Variants in VAV3 observed in about 807,000 individuals in gnomAD.
VAV3 encodes vav guanine nucleotide exchange factor 3, also known as guanine nucleotide exchange factor VAV3.
Under a neutral mutation model 131.2 loss-of-function variants are expected in VAV3, and 94 were observed. The ratio of observed to expected loss-of-function variants is 0.72; its 90% CI spans 0.61 to 0.85. The LOEUF (loss-of-function observed/expected upper bound fraction) is 0.85. Ranked by LOEUF, VAV3 falls within the 40% of genes least tolerant of loss-of-function variation. The pLI, the probability that VAV3 is intolerant of heterozygous loss-of-function variation, is 0.00. For synonymous variants in VAV3, 349 were observed against 342.0 expected, an observed-to-expected ratio of 1.02 and a Z score of -0.22; for missense variants, 939 against 1,002.7, an observed-to-expected ratio of 0.94 and a Z score of 0.86.
intron 19 of VAV3, among the ~76,000 whole-genome samples, chr1:107,669,836 C>T (rs1046158542): frequency 6.6e-6 from 1 of 152,038 alleles, no homozygotes; most frequent in Non-Finnish European, 1.5e-5. Flanking sequence ...ATAAAAAACT[C>T]CTTAGAGGAG....
At chr1:107,838,080 C>T (rs1439681886) in intron 2 of VAV3, among the ~76,000 whole-genome samples, 1 of 152,094 alleles carries the variant, frequency 6.6e-6, no homozygotes, top group Non-Finnish European at 1.5e-5. Context: ...GTAGGAGAAA[C>T]TATCAACAGA....
intron 15 of VAV3, among the ~76,000 whole-genome samples, chr1:107,732,866 C>G (rs1428957748): frequency 6.6e-6 from 1 of 152,198 alleles, no homozygotes; most frequent in Non-Finnish European, 1.5e-5. Flanking sequence ...CAGTGGTTCT[C>G]CCGGCATGGT....
chr1:107,722,253 A>G (rs1661544746), intron 15 of VAV3, among the ~76,000 whole-genome samples: 1 of 152,116 alleles, frequency 6.6e-6, no homozygotes, highest in African/African-American at 2.4e-5. Flanking sequence ...CCCACTCAAA[A>G]CTAATTACAT....
chr1:107,755,629 T>C, intron 11 of VAV3, 116 bp from the exon 12 acceptor site: 1 of 692,688 alleles, frequency 1.4e-6, no homozygotes, highest in South Asian at 2.0e-5. Flanking sequence ...CACTGTAACT[T>C]TTCAAAGACA....
At chr1:107,610,214 G>A (rs1038842331) in intron 21 of VAV3, among the ~76,000 whole-genome samples, 1 of 152,088 alleles carries the variant, frequency 6.6e-6, no homozygotes, top group Non-Finnish European at 1.5e-5. Context: ...AGAGATAGCA[G>A]GCGAATATGA....
At chr1:107,849,374 A>T (rs1356295268) in intron 2 of VAV3, among the ~76,000 whole-genome samples, 1 of 152,212 alleles carries the variant, frequency 6.6e-6, no homozygotes, top group African/African-American at 2.4e-5. Context: ...CTGATACCAA[A>T]ACAGATATAT....
At chr1:107,673,662 G>C (rs1456168981) in intron 19 of VAV3, 1 of 152,174 alleles carries the variant, frequency 6.6e-6, no homozygotes, top group African/African-American at 2.4e-5. Flanking sequence ...TTAACACCAA[G>C]TCAGTATACT....
intron 17 of VAV3, among the ~76,000 whole-genome samples, chr1:107,694,705 G>C (rs143589751): frequency 6.8e-4 from 104 of 152,184 alleles, no homozygotes; most frequent in African/African-American, 2.4e-3. Flanking sequence ...TAAGATTATA[G>C]TGATCTTCAG....
Position 107,732,625 on chromosome 1 carries a change from G to A in VAV3, c.1502+16343C>T, listed in dbSNP as rs148845225. 4.2e-3 allele frequency among the ~76,000 whole-genome samples: 642 copies of A among 152,300 alleles called. 3 individuals are homozygous for A. Among genetic ancestry groups the A allele is most frequent in the African/African-American group, 0.015 (605 of 41,564 alleles). On this transcript the variant is annotated intron_variant, in intron 15 of 26. Coordinates refer to ENST00000370056, the MANE Select transcript of VAV3 (RefSeq NM_006113.5). The stretch of plus-strand genomic sequence containing the variant: ...TCGTTCACTGCTAGCTCAGCAGTCC[G>A]AGATTGAGCTGCAAGGCGGCAGACT...
At chr1:107,605,304 T>G (rs1251349647) in intron 22 of VAV3, among the ~76,000 whole-genome samples, 1 of 152,212 alleles carries the variant, frequency 6.6e-6, no homozygotes, top group Non-Finnish European at 1.5e-5. Context: ...TCTGCCCTCA[T>G]GAGTGGATTA....
In VAV3 at chr1:107,749,537, A is replaced by G. The variant is rs770175849; in HGVS notation, c.1317T>C (p.Tyr439=). 5.0e-6 allele frequency: 8 copies of G among 1,612,022 alleles called. No homozygotes were observed. In the South Asian group the frequency reaches 7.7e-5, roughly 16 times the overall value. The change falls in exon 14 of 27, where the codon TAT becomes TAC. Residue 439 remains tyrosine (Y), a synonymous_variant. Coordinates refer to ENST00000370056, the MANE Select transcript of VAV3 (RefSeq NM_006113.5). ...GAAGATCTATTATTTCCTTCATTTC[A>G]TAGTTATCACCTTTTCTCTTACATA... is the stretch of plus-strand genomic sequence containing the variant. ...VIVCKRKGDN[Y]EMKEIIDLQQ...
At chr1:107,768,548 C>A (rs1211151880) in intron 6 of VAV3, 39 bp from the exon 7 acceptor site, 2 of 1,520,350 alleles carry the variant, frequency 1.3e-6, no homozygotes, top group Non-Finnish European at 1.8e-6. Context: ...TTAAGTATAA[C>A]TTGTCCTAAT....
At chr1:107,926,655 C>A (rs369605839) in intron 1 of VAV3, among the ~76,000 whole-genome samples, 2 of 151,916 alleles carry the variant, frequency 1.3e-5, no homozygotes, top group African/African-American at 2.4e-5. Context: ...GCAGCAAGCG[C>A]GAGGCATTGC....
intron 1 of VAV3, among the ~76,000 whole-genome samples, chr1:107,952,123 T>C (rs1321287419): frequency 6.6e-6 from 1 of 152,148 alleles, no homozygotes; most frequent in Non-Finnish European, 1.5e-5. Context: ...ATATACACTG[T>C]GGAATACTAT....
chr1:107,687,031 AGAAG>A (rs141985717), intron 18 of VAV3, among the ~76,000 whole-genome samples: 25,235 of 152,104 alleles, frequency 0.17, 2,175 homozygotes, highest in Middle Eastern at 0.25. Context: ...AGAAAGTGAA[AGAAG>A]GCTGCTTTGC....
chr1:107,926,036 T>C (rs1571150114), intron 1 of VAV3, among the ~76,000 whole-genome samples: 1 of 151,934 alleles, frequency 6.6e-6, no homozygotes, highest in East Asian at 1.9e-4. Context: ...TCTCAGCACT[T>C]TGGGAAGCCG....
intron 3 of VAV3, 38 bp from the exon 4 acceptor site, chr1:107,777,334 C>A: frequency 6.3e-7 from 1 of 1,582,210 alleles, no homozygotes. Context: ...AAAAAACAAA[C>A]CCATGAGTGA....
intron 1 of VAV3, among the ~76,000 whole-genome samples, chr1:107,915,920 AAAT>A (rs1350912121): frequency 6.6e-6 from 1 of 152,132 alleles, no homozygotes; most frequent in Non-Finnish European, 1.5e-5. Context: ...GACACTATAC[AAAT>A]AATAACAACA....
chr1:107,730,781 A>G (rs17019844), intron 15 of VAV3, among the ~76,000 whole-genome samples: 12,823 of 152,248 alleles, frequency 0.084, 700 homozygotes, highest in Admixed American at 0.17. Context: ...AATATGCTAC[A>G]CAGGAATACC....
Sources: allele counts gnomAD v4.1 joint callset (sites outside exome capture counted in the v4.1 genomes callset), GRCh38; gene constraint gnomAD v4.1.1; transcripts MANE v1.5; gene names NCBI Gene and HGNC (gene_info 2026-07-23, HGNC 2026-07-21).